Variants in AFF3 observed in about 807,000 individuals in gnomAD.
The protein encoded by AFF3 is AF4/FMR2 family member 3.
In AFF3, 32 loss-of-function variants were observed where a neutral mutation model predicts 129.7. The ratio of observed to expected loss-of-function variants is 0.25; its 90% CI spans 0.19 to 0.33. AFF3 has a LOEUF of 0.33. Ranked by LOEUF, AFF3 falls within the 10% of genes least tolerant of loss-of-function variation. AFF3 has a pLI of 1.00. For synonymous variants in AFF3, 644 were observed against 635.4 expected (o/e 1.01, Z -0.20); for missense variants, 1,373 against 1,592.0 (o/e 0.86, Z 2.34).
At position 99,744,843 on chromosome 2, in the gene AFF3, A is replaced by G. The variant is rs1294360894; in HGVS notation, c.1003-703T>C. ...GATATTGTAAATAATACTGCCACGA[A>G]TATGCAGGTATGTACACTAGTTCGA... On this transcript the variant is annotated intron_variant, in intron 9 of 24. Coordinates refer to ENST00000672756, the MANE Select transcript of AFF3 (RefSeq NM_001386135.1). 2.0e-5 allele frequency among the ~76,000 whole-genome samples: 3 copies of G among 152,152 alleles called. No individual in the cohort carries two copies. In the East Asian group the frequency reaches 5.8e-4, roughly 29 times the overall value.
intron 8 of AFF3, among the ~76,000 whole-genome samples, chr2:99,811,496 C>T (rs981131577): frequency 3.9e-5 from 6 of 152,080 alleles, no homozygotes; most frequent in Admixed American, 2.0e-4. Flanking sequence ...TGCTCTTTAT[C>T]CTCCCCGTAC....
chr2:100,027,368 G>A (rs1278989391), intron 4 of AFF3, among the ~76,000 whole-genome samples: 1 of 152,170 alleles, frequency 6.6e-6, no homozygotes, highest in Non-Finnish European at 1.5e-5. Context: ...CCAGGCCTGG[G>A]GGCTTCTCTT....
intron 18 of AFF3, among the ~76,000 whole-genome samples, chr2:99,570,047 T>C (rs1676332435): frequency 6.6e-6 from 1 of 152,090 alleles, no homozygotes; most frequent in South Asian, 2.1e-4. Context: ...AGTTTTGGGG[T>C]CAAAATGTTT....
intron 8 of AFF3, among the ~76,000 whole-genome samples, chr2:99,825,446 T>TC (rs2105716667): frequency 6.6e-6 from 1 of 152,366 alleles, no homozygotes; most frequent in Non-Finnish European, 1.5e-5. Context: ...TATGTGATTT[T>TC]CATGATAATA....
At chr2:99,714,299 ACTGAATAAGCCATGC>A in intron 11 of AFF3, among the ~76,000 whole-genome samples, 1 of 151,996 alleles carries the variant, frequency 6.6e-6, no homozygotes, top group Non-Finnish European at 1.5e-5. Context: ...TTCCTTATTC[ACTGAATAAGCCATGC>A]CCCTTTGCAG....
intron 7 of AFF3, among the ~76,000 whole-genome samples, chr2:99,933,671 G>A (rs901750733): frequency 2.6e-5 from 4 of 152,172 alleles, no homozygotes; most frequent in Non-Finnish European, 2.9e-5. Flanking sequence ...CAAAGGACAT[G>A]AACTCATCCT....
At chr2:100,036,784 G>C (rs1190986109) in intron 4 of AFF3, among the ~76,000 whole-genome samples, 2 of 150,418 alleles carry the variant, frequency 1.3e-5, no homozygotes, top group South Asian at 2.1e-4. Flanking sequence ...GGGGTGAAGA[G>C]GGAGAGAAAG....
chr2:99,975,881 AAG>A (rs1678841691), intron 7 of AFF3, among the ~76,000 whole-genome samples: 1 of 150,250 alleles, frequency 6.7e-6, no homozygotes, highest in African/African-American at 2.4e-5. Context: ...AAAAAAAAAA[AAG>A]AAAAAAGAAA....
intron 7 of AFF3, among the ~76,000 whole-genome samples, chr2:99,926,405 C>A (rs1391702433): frequency 6.6e-6 from 1 of 152,210 alleles, no homozygotes; most frequent in Non-Finnish European, 1.5e-5. Context: ...TCTCATTTCT[C>A]TGCACTGAGC....
chr2:99,861,545 G>T (rs1446926904), intron 7 of AFF3, among the ~76,000 whole-genome samples: 1 of 152,190 alleles, frequency 6.6e-6, no homozygotes, highest in Non-Finnish European at 1.5e-5. Context: ...CTTGAAAGTT[G>T]TTATCATTCT....
chr2:99,748,819 CATT>C (rs1681385081), intron 9 of AFF3, among the ~76,000 whole-genome samples: 1 of 152,152 alleles, frequency 6.6e-6, no homozygotes, highest in South Asian at 2.1e-4. Context: ...GGAAGGCTAC[CATT>C]ATTACTTTCT....
At chr2:99,849,453 A>G (rs1406794688) in intron 7 of AFF3, among the ~76,000 whole-genome samples, 1 of 152,076 alleles carries the variant, frequency 6.6e-6, no homozygotes, top group African/African-American at 2.4e-5. Flanking sequence ...TGCAAACCCA[A>G]TTCTGCCATT....
At chr2:100,127,255 A>G (rs1692233188) in intron 2 of AFF3, among the ~76,000 whole-genome samples, 1 of 152,188 alleles carries the variant, frequency 6.6e-6, no homozygotes, top group Non-Finnish European at 1.5e-5. Context: ...TTTAATCTGG[A>G]TGTTCAGTCC....
At chr2:99,559,041 G>T in intron 21 of AFF3, 73 bp from the exon 22 acceptor site, 2 of 1,400,508 alleles carry the variant, frequency 1.4e-6, no homozygotes, top group Non-Finnish European at 2.0e-6. Flanking sequence ...AAACATTTTT[G>T]TTGTTGTTCT....
intron 8 of AFF3, among the ~76,000 whole-genome samples, chr2:99,787,173 C>T (rs916089802): frequency 2.0e-5 from 3 of 152,164 alleles, no homozygotes; most frequent in African/African-American, 7.2e-5. Flanking sequence ...CGGGAGGCCA[C>T]GGCTGTGTGC....
intron 7 of AFF3, among the ~76,000 whole-genome samples, chr2:99,922,528 C>T (rs906630998): frequency 6.6e-6 from 1 of 152,136 alleles, no homozygotes; most frequent in South Asian, 2.1e-4. Context: ...TAAAGGACAA[C>T]CTATGGTGAC....
chr2:99,960,377 ATT>A (rs1677100812), intron 7 of AFF3, among the ~76,000 whole-genome samples: 1 of 152,026 alleles, frequency 6.6e-6, no homozygotes, highest in Non-Finnish European at 1.5e-5. Flanking sequence ...AACGTCACAC[ATT>A]CTTAACTGTT....
chr2:99,698,266 A>G (rs1256265704), intron 11 of AFF3, among the ~76,000 whole-genome samples: 7 of 152,328 alleles, frequency 4.6e-5, no homozygotes, highest in Non-Finnish European at 8.8e-5. Context: ...CCCACAGGAT[A>G]GCTCCATATC....
chr2:99,717,372 C>T (rs984063995), intron 11 of AFF3, among the ~76,000 whole-genome samples: 8 of 152,188 alleles, frequency 5.3e-5, no homozygotes, highest in African/African-American at 7.2e-5. Context: ...TTGCTCCATA[C>T]ACTTACCATG....
Sources: gnomAD v4.1 joint callset for allele counts (sites outside exome capture counted in the v4.1 genomes callset) on GRCh38, gnomAD v4.1.1 for gene constraint, MANE v1.5 for transcripts, NCBI Gene and HGNC (gene_info 2026-07-23, HGNC 2026-07-21) for gene names.